POGLUT3: variants seen among roughly 807,000 people sequenced by gnomAD.
POGLUT3 encodes protein O-glucosyltransferase 3, also known as KDEL (Lys-Asp-Glu-Leu) containing 2.
POGLUT3 carries 48 observed loss-of-function variants against 54.3 expected under a neutral mutation model. The observed-to-expected ratio is 0.88, with a 90% CI of 0.70 to 1.12. POGLUT3 has a LOEUF of 1.12. Among genes scored for constraint, POGLUT3 ranks in the 50% most tolerant of loss-of-function variants. The pLI is 0.00. For missense variants in POGLUT3, 629 were observed against 618.7 expected (o/e 1.02, Z -0.18); for synonymous variants, 218 against 237.4 (o/e 0.92, Z 0.75).
rs1269732658 is a variant in POGLUT3 at position 108,481,937 on chromosome 11, C to T, written c.901+69G>A. The T allele has an allele frequency of 3.3e-6, 4 of 1,205,968 alleles. No individual in the cohort carries two copies. The South Asian group carries it at 4.1e-5, about 12-fold the overall frequency. The allele number at this position is 1,205,968 out of a possible 1,614,324, so 74.7% of individuals were successfully genotyped here. A position where few individuals can be genotyped will look rare whatever the true frequency, so the allele number is the denominator to read the frequency against. On this transcript the variant is annotated intron_variant, in intron 4 of 7. Coordinates refer to ENST00000323468, the MANE Select transcript of POGLUT3 (RefSeq NM_153705.5). ...TTTCTAATATGCTACTGAATGCAAA[C>T]ATATATGTATAACCCACTCTGTCTC...
chr11:108,477,855 T>A (rs2093585108), intron 6 of POGLUT3, 144 bp from the exon 7 acceptor site: 3 of 662,590 alleles, frequency 4.5e-6, no homozygotes, highest in Non-Finnish European at 8.1e-6. Context: ...AACTTAAGAA[T>A]GAGGCTACAG....
At chr11:108,486,870 A>T (rs1468148237) in intron 2 of POGLUT3, 1 of 158,348 alleles carries the variant, frequency 6.3e-6, no homozygotes, top group Non-Finnish European at 1.4e-5. Flanking sequence ...AATCTGAAAA[A>T]CTAGTTCGGC....
chr11:108,477,245 T>C (rs1325438658), intron 7 of POGLUT3, among the ~76,000 whole-genome samples: 1 of 151,958 alleles, frequency 6.6e-6, no homozygotes, highest in Non-Finnish European at 1.5e-5. Context: ...CTACTAAAAA[T>C]ACAAAAATTA....
At chr11:108,495,111 A>T (rs2093619956) in intron 1 of POGLUT3, among the ~76,000 whole-genome samples, 2 of 152,236 alleles carry the variant, frequency 1.3e-5, no homozygotes, top group South Asian at 4.1e-4. Flanking sequence ...CATTCAGGGA[A>T]ATTCTACACT....
At chr11:108,479,561 C>A in intron 5 of POGLUT3, 66 bp from the exon 6 acceptor site, 1 of 1,216,468 alleles carries the variant, frequency 8.2e-7, no homozygotes, top group South Asian at 1.5e-5. Flanking sequence ...TGCTCCTCAT[C>A]AACACTGTAA....
At position 108,475,463 on chromosome 11, in the gene POGLUT3, G is replaced by GTTTTTTTTTTTTTTTTTTTTTTT. The variant is rs367899085; in HGVS notation, c.1399-512_1399-511insAAAAAAAAAAAAAAAAAAAAAAA. Among the ~76,000 whole-genome samples, 9 of 109,924 alleles carry GTTTTTTTTTTTTTTTTTTTTTTT rather than the reference G, an allele frequency of 8.2e-5. 1 individual carries two copies. Among genetic ancestry groups the GTTTTTTTTTTTTTTTTTTTTTTT allele is most frequent in the Non-Finnish European group, 9.0e-5 (5 of 55,630 alleles). The allele number at this position is 109,924 out of a possible 152,430, so 72.1% of individuals were successfully genotyped here. ...TATTTCTATAAATGGAGTTTTTTTT[G>GTTTTTTTTTTTTTTTTTTTTTTT]TTTTTGTTTTTTTTTTTTTTTGAGA... On this transcript the variant is annotated intron_variant, in intron 7 of 7. Transcript: ENST00000323468.
rs916398612 is a variant in POGLUT3 at position 108,492,341 on chromosome 11, C to A, written c.203-1174G>T. Among the ~76,000 whole-genome samples, 3 of 152,172 alleles carry A rather than the reference C, an allele frequency of 2.0e-5. No homozygotes were observed. In the East Asian group the frequency reaches 5.8e-4, roughly 29 times the overall value. On this transcript the variant is annotated intron_variant, in intron 1 of 7. Transcript: ENST00000323468. ...TGGCCAGGAATAAACTTTGAAACTTCTTCCTTCAGAGAGTGCAGAGGATAT... is the reference window on the plus strand; with the variant it reads ...TGGCCAGGAATAAACTTTGAAACTTATTCCTTCAGAGAGTGCAGAGGATAT...
rs1321377773 is a variant in POGLUT3, at chr11:108,479,436, C to G, written c.1158G>C (p.Met386Ile). Residue 386 changes from methionine (M) to isoleucine (I), a missense_variant, in exon 6 of 8, where the codon ATG becomes ATC. Transcript: ENST00000323468. Reference sequence around the variant, plus strand: ...GCTTTAAAACCAGACTGTCGCCCAGCATGAGATATGGATATCTGTAAGCAG... The same window carrying G: ...GCTTTAAAACCAGACTGTCGCCCAGGATGAGATATGGATATCTGTAAGCAG... ...TVAAYRYPYL[M>I]LGDSLVLKQD... 1.2e-6 allele frequency: 2 copies of G among 1,613,164 alleles called. No individual in the cohort carries two copies. Among genetic ancestry groups the G allele is most frequent in the African/African-American group, 2.7e-5 (2 of 74,896 alleles).
At chr11:108,482,324 A>G in intron 3 of POGLUT3, 102 bp from the exon 4 acceptor site, 1 of 756,388 alleles carries the variant, frequency 1.3e-6, no homozygotes, top group Non-Finnish European at 2.1e-6. Flanking sequence ...GACAGGGCTA[A>G]CCATTCAAAA....
At chr11:108,493,534 G>T (rs1399186677) in intron 1 of POGLUT3, among the ~76,000 whole-genome samples, 1 of 152,140 alleles carries the variant, frequency 6.6e-6, no homozygotes, top group Non-Finnish European at 1.5e-5. Flanking sequence ...CGGCAGGCGT[G>T]GTGGCTCACG....
chr11:108,486,070 G>T, intron 3 of POGLUT3, 87 bp downstream of exon 3: 1 of 1,114,224 alleles, frequency 9.0e-7, no homozygotes, highest in Non-Finnish European at 1.3e-6. Flanking sequence ...CCTGAAATCT[G>T]TTTCATCCTT....
At chr11:108,486,523 G>T in intron 2 of POGLUT3, 83 bp from the exon 3 acceptor site, 1 of 1,377,908 alleles carries the variant, frequency 7.3e-7, no homozygotes, top group Non-Finnish European at 9.9e-7. Context: ...CTGCTTCTTG[G>T]TGAATTCTAA....
intron 1 of POGLUT3, among the ~76,000 whole-genome samples, chr11:108,497,876 G>C (rs1017778448): frequency 6.6e-6 from 1 of 152,150 alleles, no homozygotes; most frequent in Non-Finnish European, 1.5e-5. Flanking sequence ...TGTGACTCAC[G>C]GCACACTCCT....
In POGLUT3 at chr11:108,472,212, A is replaced by T. The variant is rs1414575492; in HGVS notation, c.*2615T>A. On this transcript the variant is annotated 3_prime_UTR_variant, in exon 8 of 8. Coordinates refer to ENST00000323468, the MANE Select transcript of POGLUT3 (RefSeq NM_153705.5). Reference sequence around the variant, plus strand: ...CATAGATTTAAAAAGAGCAAAATGGAAAAAATATAAATATTTGCTGTTCCT... The same window carrying T: ...CATAGATTTAAAAAGAGCAAAATGGTAAAAATATAAATATTTGCTGTTCCT... The T allele has an allele frequency of 6.6e-6, 1 of 152,186 alleles. No homozygotes were observed. The highest frequency in any genetic ancestry group is 1.5e-5 in the Non-Finnish European group (1 of 68,034). The allele number at this position is 152,186 out of a possible 1,614,324, so 9.4% of individuals were successfully genotyped here.
At chr11:108,493,122 A>G (rs764270557) in intron 1 of POGLUT3, among the ~76,000 whole-genome samples, 1 of 152,236 alleles carries the variant, frequency 6.6e-6, no homozygotes, top group African/African-American at 2.4e-5. Context: ...AAGACAGAAA[A>G]AAACAACTAG....
chr11:108,481,009 T>G (rs2093591254), intron 5 of POGLUT3, among the ~76,000 whole-genome samples, 171 bp downstream of exon 5: 2 of 152,114 alleles, frequency 1.3e-5, no homozygotes, highest in Admixed American at 6.5e-5. Flanking sequence ...AACTTAACAA[T>G]GAAAGAAGGA....
intron 1 of POGLUT3, among the ~76,000 whole-genome samples, chr11:108,493,803 CAA>C (rs11351337): frequency 0.014 from 1,144 of 82,058 alleles, 14 homozygotes; most frequent in African/African-American, 0.046. Context: ...GACTCTGTCT[CAA>C]AAAAAAAAAA....
chr11:108,483,258 T>C (rs113676385), intron 3 of POGLUT3, among the ~76,000 whole-genome samples: 6 of 152,330 alleles, frequency 3.9e-5, no homozygotes, highest in African/African-American at 1.4e-4. Context: ...ATCTTTCATC[T>C]GCCCACCTAC....
chr11:108,483,386 T>A (rs1183846859), intron 3 of POGLUT3, among the ~76,000 whole-genome samples: 1 of 152,150 alleles, frequency 6.6e-6, no homozygotes, highest in Non-Finnish European at 1.5e-5. Context: ...CAAGCCCAGA[T>A]CTAACACCAC....
Sources: allele counts gnomAD v4.1 joint callset (sites outside exome capture counted in the v4.1 genomes callset), GRCh38; gene constraint gnomAD v4.1.1; transcripts MANE v1.5; gene names NCBI Gene and HGNC (gene_info 2026-07-23, HGNC 2026-07-21).